The following WWOX variants were observed in gnomAD, a reference collection of about 807,000 sequenced individuals.
The protein encoded by WWOX is WW domain containing oxidoreductase.
Under a neutral mutation model 46.2 loss-of-function variants are expected in WWOX, and 69 were observed. The observed-to-expected ratio is 1.49, with a 90% CI of 1.23 to 1.82. WWOX has a LOEUF of 1.82. WWOX is among the 40% of genes most tolerant of loss of function. WWOX has a pLI of 0.00. For synonymous variants in WWOX, 359 were observed against 202.6 expected, an observed-to-expected ratio of 1.77 and a Z score of -6.56; for missense variants, 919 against 542.6, an observed-to-expected ratio of 1.69 and a Z score of -6.89.
intron 8 of WWOX, among the ~76,000 whole-genome samples, chr16:78,707,828 C>G (rs1284997738): frequency 6.8e-6 from 1 of 148,000 alleles, no homozygotes; most frequent in South Asian, 2.2e-4. Flanking sequence ...GAGCGAGACT[C>G]TGTCTCAAAA....
intron 8 of WWOX, among the ~76,000 whole-genome samples, chr16:79,156,304 G>C (rs1446446713): frequency 6.6e-6 from 1 of 152,160 alleles, no homozygotes. Flanking sequence ...TAAGACCCAG[G>C]TGCGCACCAA....
At chr16:78,566,788 T>C (rs1340233082) in intron 8 of WWOX, among the ~76,000 whole-genome samples, 1 of 152,202 alleles carries the variant, frequency 6.6e-6, no homozygotes, top group African/African-American at 2.4e-5. Context: ...TGAGCACCGA[T>C]AGAGTACCAA....
At chr16:79,018,159 G>A (rs1466825766) in intron 8 of WWOX, among the ~76,000 whole-genome samples, 4 of 152,094 alleles carry the variant, frequency 2.6e-5, no homozygotes, top group South Asian at 4.2e-4. Flanking sequence ...GGTTAAACAC[G>A]GTACTGAAAT....
intron 8 of WWOX, among the ~76,000 whole-genome samples, chr16:78,778,419 AT>A (rs559691551): frequency 3.7e-4 from 57 of 152,218 alleles, no homozygotes; most frequent in Non-Finnish European, 7.3e-4. Flanking sequence ...TATTGACATA[AT>A]GTCGGACCTC....
chr16:78,439,871 C>T lies in WWOX; in HGVS notation c.1056+7119C>T, dbSNP rs531870064. On this transcript the variant is annotated intron_variant, in intron 8 of 8. Transcript: ENST00000566780. ...CTTCTGTGGTGCCAGCCATTGCATC[C>T]TATTTGATAAGGTCTGAAGGCACAG... Among the ~76,000 whole-genome samples the T allele has an allele frequency of 9.2e-5, 14 of 152,280 alleles. No homozygotes were observed. The South Asian group carries it at 2.3e-3, about 25-fold the overall frequency.
chr16:79,010,187 C>A (rs1400916694), intron 8 of WWOX, among the ~76,000 whole-genome samples: 1 of 152,206 alleles, frequency 6.6e-6, no homozygotes, highest in Non-Finnish European at 1.5e-5. Flanking sequence ...ACAAGGCTGG[C>A]TTCCCCAGGA....
intron 5 of WWOX, among the ~76,000 whole-genome samples, chr16:78,281,720 CT>C (rs1446209591): frequency 6.6e-6 from 1 of 152,066 alleles, no homozygotes; most frequent in Non-Finnish European, 1.5e-5. Context: ...AAATATTATT[CT>C]TTCCCCCCCG....
chr16:78,277,630 G>C (rs1024833013), intron 5 of WWOX, among the ~76,000 whole-genome samples: 1 of 152,164 alleles, frequency 6.6e-6, no homozygotes, highest in Non-Finnish European at 1.5e-5. Context: ...GTTGCATTTA[G>C]TTCTCTGCAA....
chr16:78,333,003 C>T (rs567767749), intron 5 of WWOX, among the ~76,000 whole-genome samples: 1 of 138,718 alleles, frequency 7.2e-6, no homozygotes, highest in African/African-American at 2.6e-5. Flanking sequence ...AACCAAGATT[C>T]TTCGCTTGGG....
intron 5 of WWOX, among the ~76,000 whole-genome samples, chr16:78,174,451 G>A (rs180946638): frequency 3.9e-5 from 6 of 152,138 alleles, no homozygotes; most frequent in African/African-American, 1.4e-4. Flanking sequence ...TTGAGATTTC[G>A]GTGGGGCGCA....
intron 8 of WWOX, among the ~76,000 whole-genome samples, chr16:78,482,988 C>T (rs908345161): frequency 6.6e-6 from 1 of 152,032 alleles, no homozygotes; most frequent in African/African-American, 2.4e-5. Flanking sequence ...GTTGTGGGCC[C>T]ACTTTAAGAA....
At chr16:78,333,532 G>A (rs184506393) in intron 5 of WWOX, among the ~76,000 whole-genome samples, 125 of 152,088 alleles carry the variant, frequency 8.2e-4, no homozygotes, top group African/African-American at 2.7e-3. Context: ...TGCTTTGTCC[G>A]TCAATGTGAA....
chr16:79,130,066 A>G (rs1435083472), intron 8 of WWOX, among the ~76,000 whole-genome samples: 3 of 152,236 alleles, frequency 2.0e-5, no homozygotes, highest in African/African-American at 7.2e-5. Context: ...ATTTATTGGA[A>G]TAACCGTGTA....
intron 8 of WWOX, among the ~76,000 whole-genome samples, chr16:78,712,297 A>T (rs1422569892): frequency 2.6e-5 from 4 of 152,046 alleles, no homozygotes; most frequent in African/African-American, 4.8e-5. Context: ...AGGTCAAGAG[A>T]TCGAAACCAT....
intron 8 of WWOX, among the ~76,000 whole-genome samples, chr16:78,958,065 C>T (rs756415534): frequency 6.6e-6 from 1 of 152,176 alleles, no homozygotes; most frequent in Non-Finnish European, 1.5e-5. Context: ...AAATAACTAA[C>T]ATTGCCTGGG....
At chr16:78,706,813 T>C (rs983359320) in intron 8 of WWOX, among the ~76,000 whole-genome samples, 2 of 152,130 alleles carry the variant, frequency 1.3e-5, no homozygotes, top group African/African-American at 2.4e-5. Flanking sequence ...ACCTTTTTTT[T>C]TGGAGACAGA....
intron 8 of WWOX, among the ~76,000 whole-genome samples, chr16:78,598,511 C>G (rs573015363): frequency 1.3e-5 from 2 of 152,280 alleles, no homozygotes; most frequent in African/African-American, 2.4e-5. Context: ...CCAGATATTT[C>G]TTGCCATGGC....
chr16:78,974,515 G>C (rs1198033615), intron 8 of WWOX, among the ~76,000 whole-genome samples: 1 of 152,186 alleles, frequency 6.6e-6, no homozygotes, highest in Non-Finnish European at 1.5e-5. Flanking sequence ...ATCCGTCTCT[G>C]TTAAGGTTAT....
chr16:78,491,488 A>G (rs929100331), intron 8 of WWOX, among the ~76,000 whole-genome samples: 28 of 152,088 alleles, frequency 1.8e-4, no homozygotes, highest in African/African-American at 6.8e-4. Context: ...TTTTTGAGAC[A>G]GGGTTTTGCT....
Sources: gnomAD v4.1 joint callset for allele counts (sites outside exome capture counted in the v4.1 genomes callset) on GRCh38, gnomAD v4.1.1 for gene constraint, MANE v1.5 for transcripts, NCBI Gene and HGNC (gene_info 2026-07-23, HGNC 2026-07-21) for gene names.